The following CAND2 variants were observed in gnomAD, a reference collection of about 807,000 sequenced individuals.
CAND2 encodes the protein cullin-associated NEDD8-dissociated protein 2.
Under a neutral mutation model 98.9 loss-of-function variants are expected in CAND2, and 62 were observed. That is an observed-to-expected ratio of 0.63 (90% CI 0.51 to 0.77). The LOEUF (loss-of-function observed/expected upper bound fraction) is 0.77. CAND2 is among the 30% of genes least tolerant of loss of function. CAND2 has a pLI of 0.00. For synonymous variants in CAND2, 770 were observed against 731.9 expected, an observed-to-expected ratio of 1.05 and a Z score of -0.84; for missense variants, 1,501 against 1,655.2, an observed-to-expected ratio of 0.91 and a Z score of 1.62.
chr3:12,813,300 A>G lies in CAND2; in HGVS notation c.918A>G (p.Gln306=), dbSNP rs1274764973. ...CCAACGTGACCAGCCTCTGCCTCCA[A>G]TACATAAAACACGACCCCAACTACA... ...HVPNVTSLCL[Q]YIKHDPNYNY... is the part of the protein sequence containing the mutation. The change falls in exon 7 of 15, where the codon CAA becomes CAG. Residue 306 remains glutamine, a synonymous_variant. Transcript: ENST00000456430. 5 of 1,614,104 alleles carry G rather than the reference A, an allele frequency of 3.1e-6. No individual in the cohort carries two copies. Among genetic ancestry groups the G allele is most frequent in the Non-Finnish European group, 3.4e-6 (4 of 1,180,026 alleles).
Position 12,815,856 on chromosome 3 carries a change from C to T in CAND2, c.1300-11C>T, listed in dbSNP as rs762233872. The T allele has an allele frequency of 1.1e-5, 18 of 1,610,046 alleles. No individual in the cohort carries two copies. The highest frequency in any genetic ancestry group is 6.6e-5 in the South Asian group (6 of 90,972). On this transcript the variant is annotated splice_polypyrimidine_tract_variant and intron_variant, in intron 8 of 14. Coordinates refer to ENST00000456430, the MANE Select transcript of CAND2 (RefSeq NM_001162499.2). This position sits in a 1 kb window ranked among gnomAD's most constrained non-coding sequence, Gnocchi z 5.7. ...TGTTCCCTGACCTTGACTTCCCCCT[C>T]CTGCCCACAGGTGCCCCTTGTGGTC...
intron 1 of CAND2, among the ~76,000 whole-genome samples, chr3:12,797,614 C>T (rs2061735876): frequency 6.6e-6 from 1 of 152,172 alleles, no homozygotes; most frequent in South Asian, 2.1e-4. Flanking sequence ...GAAACTGAGG[C>T]CCAGGGAGGA....
intron 13 of CAND2, among the ~76,000 whole-genome samples, chr3:12,828,554 C>T (rs888959513): frequency 2.0e-5 from 3 of 152,044 alleles, no homozygotes; most frequent in African/African-American, 7.2e-5. Flanking sequence ...ATTGGCCAGG[C>T]TGGTCTCGAA....
intron 14 of CAND2, chr3:12,832,508 A>G (rs1299731425): frequency 1.3e-5 from 2 of 152,232 alleles, no homozygotes; most frequent in African/African-American, 4.8e-5. Context: ...AGAGCCACTC[A>G]TCTGGCCACG....
rs1281905652 is a variant in CAND2 at position 12,816,446 on chromosome 3, G to C, written c.1514G>C (p.Gly505Ala). 1.2e-6 allele frequency: 2 copies of C among 1,613,774 alleles called. No individual in the cohort carries two copies. The highest frequency in any genetic ancestry group is 1.7e-6 in the Non-Finnish European group (2 of 1,179,990). Reference sequence around the variant, plus strand: ...ATGGATGCCCTGGCCTTCTTGCAGGGGCTGCTGGGCACCGAACCAGCTGAG... The same window carrying C: ...ATGGATGCCCTGGCCTTCTTGCAGGCGCTGCTGGGCACCGAACCAGCTGAG... ...IRMDALAFLQ[G>A]LLGTEPAEAF... Residue 505 changes from glycine to alanine, a missense_variant, in exon 10 of 15, where the codon GGG becomes GCG. Gly to Ala is a moderately conservative substitution (Grantham distance 60). Around this residue, in one of 3 missense-constraint regions of CAND2, gnomAD observed 1,427 missense variants for 1,545.3 expected, o/e 0.92. Coordinates refer to ENST00000456430, the MANE Select transcript of CAND2 (RefSeq NM_001162499.2).
chr3:12,808,113 G>T, intron 3 of CAND2, 97 bp from the exon 4 acceptor site: 1 of 1,449,960 alleles, frequency 6.9e-7, no homozygotes, highest in Non-Finnish European at 9.4e-7. Context: ...CGGGGATGTG[G>T]GCTCAGGAAC....
At chr3:12,811,682 C>T (rs976601472) in intron 5 of CAND2, among the ~76,000 whole-genome samples, 1 of 152,144 alleles carries the variant, frequency 6.6e-6, no homozygotes, top group African/African-American at 2.4e-5. Context: ...AGTGATTCTC[C>T]TGTCTCAGCC....
chr3:12,826,687 C>G (rs1377079471), intron 12 of CAND2, among the ~76,000 whole-genome samples: 1 of 151,750 alleles, frequency 6.6e-6, no homozygotes, highest in Non-Finnish European at 1.5e-5. Flanking sequence ...GCTGGGAGGA[C>G]AGCCATCATG....
intron 12 of CAND2, 84 bp downstream of exon 12, chr3:12,825,723 C>G: frequency 7.1e-7 from 1 of 1,412,258 alleles, no homozygotes; most frequent in South Asian, 1.3e-5. Flanking sequence ...ATTATCTCAT[C>G]AGAGCAGGTG....
intron 12 of CAND2, 146 bp downstream of exon 12, chr3:12,825,785 C>T: frequency 1.2e-6 from 1 of 826,892 alleles, no homozygotes; most frequent in Non-Finnish European, 1.9e-6. Flanking sequence ...AGCTGTGGGA[C>T]CCCAGCCAGG....
chr3:12,799,099 A>G (rs574478106), intron 1 of CAND2, among the ~76,000 whole-genome samples: 1 of 152,250 alleles, frequency 6.6e-6, no homozygotes, highest in Non-Finnish European at 1.5e-5. Flanking sequence ...AAAACACAGT[A>G]GTATTATTGG....
chr3:12,803,666 C>A (rs756136822), intron 2 of CAND2, 35 bp downstream of exon 2: 33 of 1,549,742 alleles, frequency 2.1e-5, no homozygotes, highest in Non-Finnish European at 2.6e-5. Flanking sequence ...GGAGAGGGGG[C>A]CCTACCTTGT....
Position 12,817,034 on chromosome 3 carries a change from C to T in CAND2, c.2102C>T (p.Ala701Val), listed in dbSNP as rs750553070. The change falls in exon 10 of 15, where the codon GCC (alanine) becomes GTC (valine). Residue 701 changes from alanine (A) to valine (V), a missense_variant. By Grantham distance (64) the Ala-to-Val change is moderately conservative (BLOSUM62 0). Coordinates refer to ENST00000456430, the MANE Select transcript of CAND2 (RefSeq NM_001162499.2). Reference sequence around the variant, plus strand: ...CAGGCCGTGCTGGCTGAGCTGCCTGCCCTGGTCAACGAGAGCGACATGCAT... The same window carrying T: ...CAGGCCGTGCTGGCTGAGCTGCCTGTCCTGGTCAACGAGAGCGACATGCAT... ...AVQAVLAELPALVNESDMHVA... is the reference protein window; with the variant it reads ...AVQAVLAELPVLVNESDMHVA... 1.1e-5 allele frequency: 17 copies of T among 1,613,040 alleles called. No homozygotes were observed. The East Asian group carries it at 3.6e-4, about 34-fold the overall frequency.
chr3:12,810,424 C>A, intron 5 of CAND2, 100 bp downstream of exon 5: 3 of 1,202,410 alleles, frequency 2.5e-6, no homozygotes. Context: ...GCAGTGCAGC[C>A]AGGGCCTAAG....
At chr3:12,822,471 A>T (rs1007675514) in intron 11 of CAND2, among the ~76,000 whole-genome samples, 7 of 151,504 alleles carry the variant, frequency 4.6e-5, no homozygotes, top group African/African-American at 1.5e-4. Flanking sequence ...TACTTTTTAA[A>T]TTTTTTTTAT....
intron 1 of CAND2, among the ~76,000 whole-genome samples, chr3:12,797,891 TG>T (rs2061737723): frequency 1.3e-5 from 2 of 152,010 alleles, no homozygotes. Flanking sequence ...CCTGCTCTGG[TG>T]GTCTGACTCC....
chr3:12,830,581 T>C (rs1045181120), intron 13 of CAND2, among the ~76,000 whole-genome samples: 7 of 152,214 alleles, frequency 4.6e-5, no homozygotes, highest in Non-Finnish European at 1.0e-4. Flanking sequence ...GGACAGGGCC[T>C]AGGCACCAGT....
In CAND2 at chr3:12,817,550, C is replaced by G. The variant is rs773773653; in HGVS notation, c.2618C>G (p.Pro873Arg). 1 of 1,613,892 alleles carries G rather than the reference C, an allele frequency of 6.2e-7. No homozygotes were observed. The highest frequency in any genetic ancestry group is 8.5e-7 in the Non-Finnish European group (1 of 1,180,012). ...KAVLLEALGS[P>R]SEDVRAAASY... ...GTGCTCCTGGAAGCTTTGGGGTCAC[C>G]CAGTGAGGATGTGAGGGCTGCAGCC... Residue 873 changes from proline (P) to arginine (R), a missense_variant, in exon 10 of 15, where the codon CCC (proline) becomes CGC (arginine). This residue lies in a region of CAND2 where 1,427 missense variants were observed against 1,545.3 expected (regional missense o/e 0.92). Coordinates refer to ENST00000456430, the MANE Select transcript of CAND2 (RefSeq NM_001162499.2).
Position 12,827,427 on chromosome 3 carries a change from ATCCCTCCTGCAGGT to A in CAND2, c.3211-12_3212del. On this transcript the variant is annotated splice_acceptor_variant and splice_polypyrimidine_tract_variant and coding_sequence_variant and intron_variant, in exon 13 of 15. Transcript: ENST00000456430. LOFTEE classifies it high-confidence loss of function. Reference sequence around the variant, plus strand: ...CCCTGGGGCCATATCACCAACCTTCATCCCTCCTGCAGGTGGAGATGGGGCCCTTTAAACATACA... The same window carrying A: ...CCCTGGGGCCATATCACCAACCTTCAGGAGATGGGGCCCTTTAAACATACA... The A allele has an allele frequency of 6.2e-7, 1 of 1,609,950 alleles. No individual in the cohort carries two copies. The highest frequency in any genetic ancestry group is 8.5e-7 in the Non-Finnish European group (1 of 1,177,592).
Sources: allele counts gnomAD v4.1 joint callset (sites outside exome capture counted in the v4.1 genomes callset), GRCh38; gene constraint gnomAD v4.1.1; regional missense constraint gnomAD v4.1.1; non-coding constraint Gnocchi (gnomAD v3.1); transcripts MANE v1.5; gene names NCBI Gene and HGNC (gene_info 2026-07-23, HGNC 2026-07-21).